The following FRMD4A variants were observed in gnomAD, a reference collection of about 807,000 sequenced individuals.
FRMD4A encodes FERM domain-containing protein 4A.
In FRMD4A, 29 loss-of-function variants were observed where a neutral mutation model predicts 129.1. That is an observed-to-expected ratio of 0.22 (90% CI 0.17 to 0.31). FRMD4A has a LOEUF of 0.31. Among genes scored for constraint, FRMD4A ranks in the 10% least tolerant of loss-of-function variants. FRMD4A has a pLI of 1.00. For synonymous variants in FRMD4A, 634 were observed against 571.6 expected, an observed-to-expected ratio of 1.11 and a Z score of -1.56; for missense variants, 1,272 against 1,375.8, an observed-to-expected ratio of 0.92 and a Z score of 1.19.
chr10:13,672,379 T>G (rs755357246), intron 16 of FRMD4A, among the ~76,000 whole-genome samples: 7 of 152,082 alleles, frequency 4.6e-5, no homozygotes, highest in Non-Finnish European at 7.4e-5. Context: ...TCCCTAAAAG[T>G]CTATCTATAA....
At chr10:13,948,937 A>G (rs1194434851) in intron 2 of FRMD4A, among the ~76,000 whole-genome samples, 1 of 151,376 alleles carries the variant, frequency 6.6e-6, no homozygotes, top group Non-Finnish European at 1.5e-5. Flanking sequence ...GGTGTGAGCC[A>G]CTGCGCCCAG....
At position 13,663,476 on chromosome 10, in the gene FRMD4A, G is replaced by A. The variant is rs1161171162; in HGVS notation, c.1637C>T (p.Ser546Leu). Reference sequence around the variant, plus strand: ...ACCATCCTCAAGAACAAGGGCATCTGAGAGGGAGCTGTCTTCACTGGCAAT... The same window carrying A: ...ACCATCCTCAAGAACAAGGGCATCTAAGAGGGAGCTGTCTTCACTGGCAAT... ...GNIASEDSSL[S>L]DALVLEDEDS... is the part of the protein sequence containing the mutation. The change falls in exon 19 of 25, where the codon TCA (serine) becomes TTA (leucine). Residue 546 changes from serine to leucine, a missense_variant. Physicochemically the swap from Ser to Leu is moderately radical, Grantham distance 145. Around this residue, in one of 2 missense-constraint regions of FRMD4A, gnomAD observed 972 missense variants for 892.3 expected, o/e 1.09. Transcript: ENST00000357447. 6.4e-7 allele frequency: 1 copy of A among 1,562,416 alleles called. No homozygotes were observed. The highest frequency in any genetic ancestry group is 8.8e-7 in the Non-Finnish European group (1 of 1,132,666).
chr10:14,221,117 G>A (rs1012700538), intron 2 of FRMD4A, among the ~76,000 whole-genome samples: 5 of 152,138 alleles, frequency 3.3e-5, no homozygotes, highest in Admixed American at 2.6e-4. Flanking sequence ...CAAGACTTGG[G>A]AAGAGGAGAA....
chr10:14,146,889 A>G (rs1422362736), intron 2 of FRMD4A, among the ~76,000 whole-genome samples: 5 of 152,252 alleles, frequency 3.3e-5, no homozygotes, highest in Non-Finnish European at 2.9e-5. Context: ...CAAATGACAG[A>G]GCAATAACTA....
intron 2 of FRMD4A, chr10:14,326,435 T>C (rs1325698516): frequency 1.3e-5 from 2 of 154,738 alleles, no homozygotes; most frequent in African/African-American, 4.8e-5. Flanking sequence ...TATGTGACCA[T>C]TGACAGTTTC....
At chr10:13,716,571 G>A (rs572867117) in intron 12 of FRMD4A, among the ~76,000 whole-genome samples, 8 of 152,182 alleles carry the variant, frequency 5.3e-5, no homozygotes, top group Non-Finnish European at 7.3e-5. Context: ...GGCCAATTGC[G>A]TCTTCCTCAT....
chr10:13,996,649 G>A (rs761765776), intron 2 of FRMD4A, among the ~76,000 whole-genome samples: 1 of 127,282 alleles, frequency 7.9e-6, no homozygotes. Context: ...CACATAGAAA[G>A]CCTTCTCTGG....
intron 2 of FRMD4A, among the ~76,000 whole-genome samples, chr10:14,258,007 T>C (rs1028804669): frequency 3.3e-5 from 5 of 152,202 alleles, no homozygotes; most frequent in African/African-American, 1.2e-4. Context: ...GACACAAAGG[T>C]AAAACTTGAC....
Position 13,674,898 on chromosome 10 carries a change from A to C in FRMD4A, c.1251+13T>G. The C allele has an allele frequency of 6.2e-7, 1 of 1,613,738 alleles. No homozygotes were observed. The highest frequency in any genetic ancestry group is 1.1e-5 in the South Asian group (1 of 91,076). Reference sequence around the variant, plus strand: ...AACACCAATTTCAACGGGATGAGCTAGGAAAGGCTTACAGCTTCTCGGAGA... The same window carrying C: ...AACACCAATTTCAACGGGATGAGCTCGGAAAGGCTTACAGCTTCTCGGAGA... On this transcript the variant is annotated intron_variant, in intron 16 of 24. Coordinates refer to ENST00000357447, the MANE Select transcript of FRMD4A (RefSeq NM_018027.5).
rs1395032196 is a variant in FRMD4A at position 13,655,447 on chromosome 10, G to GATGAAGAAGGAAC, written c.2954-948_2954-936dup. 4.6e-5 allele frequency: 7 copies of GATGAAGAAGGAAC among 152,316 alleles called. No individual in the cohort carries two copies. In the South Asian group the frequency reaches 1.4e-3, roughly 32 times the overall value. 9.4% of individuals were successfully genotyped at this position (152,316 alleles called of 1,614,324 possible). A position where few individuals can be genotyped will look rare whatever the true frequency, so the allele number is the denominator to read the frequency against. On this transcript the variant is annotated intron_variant, in intron 22 of 24. Coordinates refer to ENST00000357447, the MANE Select transcript of FRMD4A (RefSeq NM_018027.5). ...GCAAATTTCACTGGGCTATTTTACA[G>GATGAAGAAGGAAC]ATGAAGAAGGAACATAAAGAAGGTT... is the stretch of plus-strand genomic sequence containing the variant.
At chr10:14,058,507 T>C (rs754545682) in intron 2 of FRMD4A, among the ~76,000 whole-genome samples, 4 of 152,210 alleles carry the variant, frequency 2.6e-5, no homozygotes, top group East Asian at 1.9e-4. Flanking sequence ...ACCATTCATA[T>C]GCAAGACTCC....
At chr10:13,867,677 T>C (rs533538942) in intron 2 of FRMD4A, among the ~76,000 whole-genome samples, 1,902 of 96,962 alleles carry the variant, frequency 0.02, 63 homozygotes, top group African/African-American at 0.067. Context: ...ATATAATATA[T>C]AATAAATATA....
intron 2 of FRMD4A, among the ~76,000 whole-genome samples, chr10:13,997,391 A>G (rs376919877): frequency 6.6e-6 from 1 of 152,186 alleles, no homozygotes; most frequent in East Asian, 1.9e-4. Context: ...AAATTGTTCT[A>G]AGAGTTTCTC....
intron 2 of FRMD4A, among the ~76,000 whole-genome samples, chr10:13,885,782 C>T (rs1418763346): frequency 2.0e-5 from 3 of 152,188 alleles, no homozygotes; most frequent in Non-Finnish European, 1.5e-5. Flanking sequence ...CTACTGGTCA[C>T]TCTGCAGTTC....
At chr10:14,156,865 C>T (rs1165098162) in intron 2 of FRMD4A, among the ~76,000 whole-genome samples, 2 of 152,182 alleles carry the variant, frequency 1.3e-5, no homozygotes, top group Non-Finnish European at 2.9e-5. Flanking sequence ...CTTCTTCATC[C>T]TTTGTTAGTC....
At chr10:13,785,534 C>T (rs1206051363) in intron 5 of FRMD4A, among the ~76,000 whole-genome samples, 1 of 152,152 alleles carries the variant, frequency 6.6e-6, no homozygotes, top group African/African-American at 2.4e-5. Flanking sequence ...ATTGCAGTAG[C>T]AAATTTTACA....
intron 15 of FRMD4A, chr10:13,692,833 C>G (rs1331775612): frequency 6.6e-6 from 1 of 152,106 alleles, no homozygotes; most frequent in East Asian, 1.9e-4. Context: ...TGCATGGTTC[C>G]TACATCAATC....
At chr10:14,239,247 T>C (rs576226851) in intron 2 of FRMD4A, among the ~76,000 whole-genome samples, 2 of 152,326 alleles carry the variant, frequency 1.3e-5, no homozygotes, top group African/African-American at 4.8e-5. Flanking sequence ...CTTAATAGAC[T>C]CATGGATCTC....
chr10:13,941,106 T>C (rs556008012), intron 2 of FRMD4A, among the ~76,000 whole-genome samples: 29 of 152,336 alleles, frequency 1.9e-4, no homozygotes, highest in African/African-American at 7.0e-4. Flanking sequence ...ATGGTTTGGC[T>C]GTGTCCCCAC....
Sources: gnomAD v4.1 joint callset for allele counts (sites outside exome capture counted in the v4.1 genomes callset) on GRCh38, gnomAD v4.1.1 for gene constraint, gnomAD v4.1.1 regional missense constraint, MANE v1.5 for transcripts, NCBI Gene and HGNC (gene_info 2026-07-23, HGNC 2026-07-21) for gene names.